The following GAGE12E variants were observed in gnomAD, a reference collection of about 807,000 sequenced individuals.
The protein encoded by GAGE12E is G antigen 12B/C/D/E.
chrX:49,557,281 C>T (rs1557129090), intron 4 of GAGE12E, among the ~76,000 whole-genome samples: 2 of 70,618 alleles, frequency 2.8e-5, no homozygotes, highest in Non-Finnish European at 6.8e-5. Flanking sequence ...TGAGGTCTCA[C>T]TGTGTTGCCC....
At chrX:49,557,433 A>G (rs2066556116) in intron 4 of GAGE12E, among the ~76,000 whole-genome samples, 1 of 68,778 alleles carries the variant, frequency 1.5e-5, no homozygotes, top group Non-Finnish European at 3.5e-5. Context: ...GGTTAGTTAC[A>G]TATGTATACA....
At position 49,557,414 on chromosome X, in the gene GAGE12E, C is replaced by T. The variant is rs868957250; in HGVS notation, c.332-1119C>T. ...CTTTAAGTTTTAGGGTACATGTGCA[C>T]GTTGTGCAGGTTAGTTACATATGTA... On this transcript the variant is annotated intron_variant, in intron 4 of 4. Coordinates refer to ENST00000381698, the MANE Select transcript of GAGE12E (RefSeq NM_001098418.3). Among the ~76,000 whole-genome samples the T allele has an allele frequency of 2.0e-3, 145 of 72,632 alleles. 2 individuals are homozygous for T. Among genetic ancestry groups the T allele is most frequent in the African/African-American group, 5.2e-3 (131 of 24,955 alleles). 63.1% of individuals were successfully genotyped at this position (72,632 alleles called of 115,157 possible).
intron 4 of GAGE12E, among the ~76,000 whole-genome samples, chrX:49,557,278 T>A (rs2066554952): frequency 1.4e-5 from 1 of 70,258 alleles, no homozygotes; most frequent in Non-Finnish European, 3.4e-5. Context: ...AGATGAGGTC[T>A]CACTGTGTTG....
At chrX:49,557,271 T>A (rs2066554915) in intron 4 of GAGE12E, among the ~76,000 whole-genome samples, 2 of 68,598 alleles carry the variant, frequency 2.9e-5, no homozygotes, top group Admixed American at 1.5e-4. Flanking sequence ...TTTGTAGAGA[T>A]GAGGTCTCAC....
chrX:49,557,357 T>C (rs1237685059), intron 4 of GAGE12E, among the ~76,000 whole-genome samples: 1 of 80,882 alleles, frequency 1.2e-5, no homozygotes, highest in Non-Finnish European at 3.0e-5. Flanking sequence ...TATTTATTTA[T>C]TTATTTATTT....
chrX:49,557,036 G>A (rs1197820939), intron 4 of GAGE12E, among the ~76,000 whole-genome samples: 13 of 26,686 alleles, frequency 4.9e-4, no homozygotes, highest in African/African-American at 9.2e-4. Context: ...AGCTGAATAC[G>A]TAGTGTAAGA....
intron 4 of GAGE12E, among the ~76,000 whole-genome samples, chrX:49,556,922 A>G (rs1461129781): frequency 2.0e-3 from 8 of 4,012 alleles, no homozygotes; most frequent in Non-Finnish European, 5.3e-3. Flanking sequence ...ATCACAAATC[A>G]TGAAACCCTG....
chrX:49,553,487 CA>C (rs2066552185), intron 3 of GAGE12E, among the ~76,000 whole-genome samples: 1 of 31,509 alleles, frequency 3.2e-5, no homozygotes. Flanking sequence ...GCTTAAAACT[CA>C]AAAGGCTTTA....
intron 4 of GAGE12E, among the ~76,000 whole-genome samples, chrX:49,557,423 G>A (rs1381543214): frequency 4.2e-5 from 3 of 71,435 alleles, no homozygotes; most frequent in Non-Finnish European, 1.0e-4. Context: ...ACGTTGTGCA[G>A]GTTAGTTACA....
At chrX:49,553,729 CA>C (rs2066553072) in intron 3 of GAGE12E, among the ~76,000 whole-genome samples, 1 of 36,291 alleles carries the variant, frequency 2.8e-5, no homozygotes, top group Non-Finnish European at 7.1e-5. Flanking sequence ...GTTAGAAAAG[CA>C]AAAACGGAAT....
chrX:49,557,332 T>C (rs1436351768), intron 4 of GAGE12E, among the ~76,000 whole-genome samples: 1 of 80,418 alleles, frequency 1.2e-5, no homozygotes, highest in African/African-American at 3.6e-5. Context: ...ATTGCTTCTT[T>C]TTTTTTCTTT....
At chrX:49,557,330 T>C (rs1181130841) in intron 4 of GAGE12E, among the ~76,000 whole-genome samples, 1 of 36,803 alleles carries the variant, frequency 2.7e-5, no homozygotes, top group South Asian at 1.3e-3. Context: ...CAATTGCTTC[T>C]TTTTTTTTCT....
At chrX:49,557,250 T>A (rs2066554825) in intron 4 of GAGE12E, among the ~76,000 whole-genome samples, 1 of 58,171 alleles carries the variant, frequency 1.7e-5, no homozygotes, top group African/African-American at 4.8e-5. Context: ...CTACATTTTT[T>A]TGTTTTCATT....
chrX:49,557,480 A>C (rs2066556452), intron 4 of GAGE12E, among the ~76,000 whole-genome samples: 1 of 35,125 alleles, frequency 2.8e-5, no homozygotes. Flanking sequence ...CTATCTCATC[A>C]TCTAGCATTA....
chrX:49,557,458 G>A (rs1557129134), intron 4 of GAGE12E, among the ~76,000 whole-genome samples: 5 of 52,975 alleles, frequency 9.4e-5, no homozygotes, highest in African/African-American at 2.7e-4. Context: ...CCATGCTGGT[G>A]CGCTGCACCC....
intron 4 of GAGE12E, among the ~76,000 whole-genome samples, chrX:49,557,343 T>C (rs1262225972): frequency 2.5e-5 from 2 of 80,636 alleles, no homozygotes; most frequent in African/African-American, 3.6e-5. Flanking sequence ...TTTTTTCTTT[T>C]ATTTATTTAT....
At chrX:49,557,320 C>G (rs1466482388) in intron 4 of GAGE12E, among the ~76,000 whole-genome samples, 2 of 76,819 alleles carry the variant, frequency 2.6e-5, no homozygotes, top group Admixed American at 1.3e-4. Flanking sequence ...TTTTAATGAA[C>G]AATTGCTTCT....
chrX:49,557,231 C>T (rs2066554702), intron 4 of GAGE12E, among the ~76,000 whole-genome samples: 1 of 41,877 alleles, frequency 2.4e-5, no homozygotes, highest in African/African-American at 6.6e-5. Context: ...CACAAGCCAC[C>T]GTGCCTGACT....
intron 4 of GAGE12E, among the ~76,000 whole-genome samples, chrX:49,557,453 C>G (rs1318286139): frequency 1.7e-5 from 1 of 57,857 alleles, no homozygotes. Context: ...ATGTGCCATG[C>G]TGGTGCGCTG....
Sources: allele counts gnomAD v4.1 joint callset (sites outside exome capture counted in the v4.1 genomes callset), GRCh38; gene constraint gnomAD v4.1.1; transcripts MANE v1.5; gene names NCBI Gene and HGNC (gene_info 2026-07-23, HGNC 2026-07-21).